CCSER1: variants seen among roughly 807,000 people sequenced by gnomAD.
The protein encoded by CCSER1 is coiled-coil serine rich protein 1.
Under a neutral mutation model 82.0 loss-of-function variants are expected in CCSER1, and 41 were observed. The ratio of observed to expected loss-of-function variants is 0.50; its 90% CI spans 0.39 to 0.65. CCSER1 has a LOEUF of 0.65. CCSER1 is among the 30% of genes least tolerant of loss of function. The probability of loss-of-function intolerance (pLI) is 0.00; values close to 1 mark genes in which losing one functional copy is unlikely to be tolerated. For synonymous variants in CCSER1, 414 were observed against 383.9 expected (o/e 1.08, Z -0.92); for missense variants, 1,119 against 1,064.2 (o/e 1.05, Z -0.72).
chr4:90,961,308 T>A (rs1734031276), intron 9 of CCSER1, among the ~76,000 whole-genome samples: 1 of 152,110 alleles, frequency 6.6e-6, no homozygotes, highest in Non-Finnish European at 1.5e-5. Context: ...TGCCTCTTTC[T>A]CCTATTCATA....
chr4:91,163,644 G>A (rs928874594), intron 10 of CCSER1, among the ~76,000 whole-genome samples: 1 of 152,170 alleles, frequency 6.6e-6, no homozygotes, highest in Non-Finnish European at 1.5e-5. Flanking sequence ...ATTTAGGATA[G>A]TTAGCTCTTC....
At chr4:90,826,362 G>T (rs1447065965) in intron 8 of CCSER1, among the ~76,000 whole-genome samples, 5 of 152,142 alleles carry the variant, frequency 3.3e-5, no homozygotes, top group Admixed American at 6.5e-5. Flanking sequence ...AATAAAGTAT[G>T]TTTAAAAATT....
At chr4:90,393,160 A>G (rs947056226) in intron 3 of CCSER1, among the ~76,000 whole-genome samples, 12 of 152,168 alleles carry the variant, frequency 7.9e-5, no homozygotes, top group African/African-American at 2.9e-4. Flanking sequence ...TCTTCCTGGG[A>G]TAATGTGATT....
intron 8 of CCSER1, among the ~76,000 whole-genome samples, chr4:90,888,650 A>G (rs1195878093): frequency 6.6e-6 from 1 of 152,182 alleles, no homozygotes; most frequent in Non-Finnish European, 1.5e-5. Context: ...AAATGCGTTA[A>G]CATTTCTGCA....
intron 10 of CCSER1, among the ~76,000 whole-genome samples, chr4:91,218,794 C>T (rs567246712): frequency 6.6e-6 from 1 of 152,240 alleles, no homozygotes; most frequent in East Asian, 1.9e-4. Flanking sequence ...AAGTGACCAA[C>T]ACTGGCCTAT....
intron 1 of CCSER1, among the ~76,000 whole-genome samples, chr4:90,267,975 G>A (rs72879704): frequency 0.048 from 7,379 of 152,192 alleles, 473 homozygotes; most frequent in African/African-American, 0.15. Context: ...AACCTTACAG[G>A]CCAGGAGATA....
chr4:91,426,509 A>G (rs928243453), intron 10 of CCSER1, among the ~76,000 whole-genome samples: 1 of 151,944 alleles, frequency 6.6e-6, no homozygotes, highest in Admixed American at 6.6e-5. Context: ...CACGATTTAA[A>G]AAAAAAAAGA....
chr4:91,160,738 T>A (rs1205515691), intron 10 of CCSER1, among the ~76,000 whole-genome samples: 6 of 143,852 alleles, frequency 4.2e-5, no homozygotes, highest in East Asian at 1.9e-4. Context: ...CTTTTTGATG[T>A]TGTTGTTGTT....
At chr4:91,427,158 T>A (rs931953513) in intron 10 of CCSER1, among the ~76,000 whole-genome samples, 10 of 152,144 alleles carry the variant, frequency 6.6e-5, no homozygotes, top group African/African-American at 2.4e-4. Context: ...TTTCTGTGAA[T>A]GAAGAACATC....
At chr4:90,732,487 T>G (rs1744932721) in intron 7 of CCSER1, among the ~76,000 whole-genome samples, 1 of 152,170 alleles carries the variant, frequency 6.6e-6, no homozygotes, top group Non-Finnish European at 1.5e-5. Flanking sequence ...GTAGGAACCC[T>G]GTACCTAGTG....
intron 10 of CCSER1, among the ~76,000 whole-genome samples, chr4:91,266,756 T>C (rs936468539): frequency 1.3e-5 from 2 of 152,234 alleles, no homozygotes; most frequent in South Asian, 2.1e-4. Flanking sequence ...TTGCATACTT[T>C]AGTAGCTGGC....
At chr4:91,352,358 TGCCTCA>T (rs917573911) in intron 10 of CCSER1, among the ~76,000 whole-genome samples, 46 of 152,324 alleles carry the variant, frequency 3.0e-4, no homozygotes, top group African/African-American at 1.0e-3. Flanking sequence ...GCAATTCTCC[TGCCTCA>T]GCCTCCCAAG....
At chr4:91,388,028 A>G (rs2149346262) in intron 10 of CCSER1, among the ~76,000 whole-genome samples, 1 of 152,222 alleles carries the variant, frequency 6.6e-6, no homozygotes, top group African/African-American at 2.4e-5. Flanking sequence ...ATCAAAATAA[A>G]CAATATGTTT....
chr4:90,297,081 G>A (rs1217408472), intron 1 of CCSER1, among the ~76,000 whole-genome samples: 34 of 152,014 alleles, frequency 2.2e-4, no homozygotes, highest in Admixed American at 2.2e-3. Context: ...AATTACCTTG[G>A]GCAGTATGGC....
chr4:90,256,781 C>T (rs561314296), intron 1 of CCSER1, among the ~76,000 whole-genome samples: 34 of 152,110 alleles, frequency 2.2e-4, no homozygotes, highest in African/African-American at 7.5e-4. Context: ...TTGCTTTCCA[C>T]GACTTAAGTT....
At chr4:90,858,174 C>CT (rs1376615120) in intron 8 of CCSER1, among the ~76,000 whole-genome samples, 1 of 152,026 alleles carries the variant, frequency 6.6e-6, no homozygotes, top group Non-Finnish European at 1.5e-5. Context: ...CACTTTATCT[C>CT]TTTTTCCTAT....
chr4:91,224,437 A>G (rs1007941128), intron 10 of CCSER1, among the ~76,000 whole-genome samples: 4 of 152,060 alleles, frequency 2.6e-5, no homozygotes, highest in African/African-American at 9.7e-5. Flanking sequence ...GATTTGTCCA[A>G]TGTCTTTGTG....
intron 9 of CCSER1, among the ~76,000 whole-genome samples, chr4:91,076,935 G>A (rs1242536741): frequency 6.6e-6 from 1 of 152,178 alleles, no homozygotes; most frequent in Non-Finnish European, 1.5e-5. Flanking sequence ...AATTTGTGGG[G>A]CAGATTACCA....
chr4:90,382,499 AAATGTTTGTCC>A, intron 3 of CCSER1, among the ~76,000 whole-genome samples: 1 of 152,198 alleles, frequency 6.6e-6, no homozygotes, highest in African/African-American at 2.4e-5. Context: ...AATATTGCTG[AAATGTTTGTCC>A]TTCTTTCTCT....
Sources: gnomAD v4.1 joint callset for allele counts (sites outside exome capture counted in the v4.1 genomes callset) on GRCh38, gnomAD v4.1.1 for gene constraint, MANE v1.5 for transcripts, NCBI Gene and HGNC (gene_info 2026-07-23, HGNC 2026-07-21) for gene names.